The following THSD4 variants were observed in gnomAD, a reference collection of about 807,000 sequenced individuals.
THSD4 encodes thrombospondin type 1 domain containing 4.
THSD4 carries 69 observed loss-of-function variants against 119.0 expected under a neutral mutation model. The ratio of observed to expected loss-of-function variants is 0.58; its 90% CI spans 0.48 to 0.71. THSD4 has a LOEUF of 0.71. Ranked by LOEUF, THSD4 falls within the 30% of genes least tolerant of loss-of-function variation. The pLI is 0.00. For synonymous variants in THSD4, 524 were observed against 540.4 expected, an observed-to-expected ratio of 0.97 and a Z score of 0.42; for missense variants, 1,393 against 1,391.1, an observed-to-expected ratio of 1.00 and a Z score of -0.02.
chr15:71,217,533 G>A (rs1176652569), intron 4 of THSD4, among the ~76,000 whole-genome samples: 1 of 151,690 alleles, frequency 6.6e-6, no homozygotes, highest in Non-Finnish European at 1.5e-5. Context: ...TGAGGCAGGA[G>A]AATGGCGTGA....
At chr15:71,653,059 G>A (rs962396770) in intron 7 of THSD4, among the ~76,000 whole-genome samples, 2 of 152,136 alleles carry the variant, frequency 1.3e-5, no homozygotes, top group African/African-American at 4.8e-5. Flanking sequence ...CGAAGAGCAG[G>A]TTGGTCCTGT....
chr15:71,553,193 G>A (rs2048959181), intron 7 of THSD4, among the ~76,000 whole-genome samples: 1 of 152,104 alleles, frequency 6.6e-6, no homozygotes, highest in Non-Finnish European at 1.5e-5. Flanking sequence ...GACTTGCAAT[G>A]GCAGAGTTTT....
At chr15:71,589,472 C>G (rs578102229) in intron 7 of THSD4, among the ~76,000 whole-genome samples, 1 of 138,512 alleles carries the variant, frequency 7.2e-6, no homozygotes, top group African/African-American at 2.5e-5. Context: ...CCTCCCACTT[C>G]AGCCTTCCAA....
rs542632100 is a variant in THSD4, at chr15:71,271,744, T to C, written c.1015+15029T>C. Among the ~76,000 whole-genome samples, 62 of 152,348 alleles carry C rather than the reference T, an allele frequency of 4.1e-4. No homozygotes were observed. In the South Asian group the frequency reaches 0.012, roughly 30 times the overall value. On this transcript the variant is annotated intron_variant, in intron 6 of 17. Transcript: ENST00000261862. ...AATTCCTGAAGGAGACTTTTAGAGC[T>C]AGTATTAATGTCACATTGTGAACTA... is the stretch of plus-strand genomic sequence containing the variant.
chr15:71,262,077 C>G (rs914748488), intron 6 of THSD4, among the ~76,000 whole-genome samples: 2 of 152,118 alleles, frequency 1.3e-5, no homozygotes, highest in African/African-American at 4.8e-5. Context: ...GTTTGGATGT[C>G]TACTGCTATT....
chr15:71,192,693 G>A (rs1427048563), intron 3 of THSD4, among the ~76,000 whole-genome samples: 5 of 152,130 alleles, frequency 3.3e-5, no homozygotes, highest in Non-Finnish European at 7.4e-5. Flanking sequence ...ACTTATTTCA[G>A]TGTCCTGCAG....
At chr15:71,310,051 C>T (rs537327514) in intron 6 of THSD4, among the ~76,000 whole-genome samples, 1 of 152,302 alleles carries the variant, frequency 6.6e-6, no homozygotes, top group African/African-American at 2.4e-5. Flanking sequence ...AGCTGACATA[C>T]CATAGAAAGC....
chr15:71,362,910 G>C (rs2045911336), intron 6 of THSD4, among the ~76,000 whole-genome samples: 1 of 151,400 alleles, frequency 6.6e-6, no homozygotes, highest in African/African-American at 2.4e-5. Flanking sequence ...GCTTCCCTGG[G>C]CCACATTGGA....
intron 1 of THSD4, among the ~76,000 whole-genome samples, chr15:71,133,020 G>A (rs541506144): frequency 6.6e-6 from 1 of 152,346 alleles, no homozygotes; most frequent in South Asian, 2.1e-4. Flanking sequence ...TCGGAGAAAG[G>A]GCAGCACATC....
At chr15:71,483,812 T>C (rs962957343) in intron 7 of THSD4, among the ~76,000 whole-genome samples, 1 of 150,838 alleles carries the variant, frequency 6.6e-6, no homozygotes, top group African/African-American at 2.4e-5. Context: ...GTGTTCTCAT[T>C]GTTCAGCTCC....
chr15:71,570,162 A>C (rs2049321370), intron 7 of THSD4, among the ~76,000 whole-genome samples: 1 of 152,212 alleles, frequency 6.6e-6, no homozygotes, highest in African/African-American at 2.4e-5. Flanking sequence ...CTTATATGCC[A>C]AGCACTAACC....
chr15:71,459,069 G>T (rs1005811151), intron 7 of THSD4, among the ~76,000 whole-genome samples: 2 of 151,730 alleles, frequency 1.3e-5, no homozygotes, highest in Non-Finnish European at 2.9e-5. Context: ...GGACCTGAAA[G>T]GTATACTTTA....
intron 15 of THSD4, among the ~76,000 whole-genome samples, chr15:71,762,648 TG>T (rs1236985620): frequency 3.3e-5 from 5 of 152,228 alleles, no homozygotes; most frequent in African/African-American, 1.2e-4. Context: ...CTGCAGCTTG[TG>T]GCTCTTCTCC....
intron 7 of THSD4, among the ~76,000 whole-genome samples, chr15:71,433,636 G>T (rs1304914436): frequency 6.6e-6 from 1 of 152,048 alleles, no homozygotes; most frequent in Non-Finnish European, 1.5e-5. Context: ...GCTATGAAGG[G>T]CAGGGCCTGT....
chr15:71,724,210 A>T (rs1474065102), intron 8 of THSD4, among the ~76,000 whole-genome samples: 2 of 146,014 alleles, frequency 1.4e-5, no homozygotes, highest in Non-Finnish European at 3.0e-5. Context: ...AGAGAAGAAC[A>T]GTGATGCAAG....
At chr15:71,313,490 G>A (rs572343336) in intron 6 of THSD4, among the ~76,000 whole-genome samples, 4 of 152,278 alleles carry the variant, frequency 2.6e-5, no homozygotes, top group African/African-American at 7.2e-5. Flanking sequence ...AGCTTGCTGA[G>A]GGAGGGTCGG....
chr15:71,498,195 A>G (rs1325036375), intron 7 of THSD4, among the ~76,000 whole-genome samples: 1 of 152,216 alleles, frequency 6.6e-6, no homozygotes, highest in African/African-American at 2.4e-5. Flanking sequence ...TCTAATCAGA[A>G]AGAATCCATG....
At chr15:71,154,453 C>T (rs1408957094) in intron 2 of THSD4, among the ~76,000 whole-genome samples, 1 of 152,184 alleles carries the variant, frequency 6.6e-6, no homozygotes, top group African/African-American at 2.4e-5. Context: ...CTGACCTTAC[C>T]ACCCGTGAAG....
intron 7 of THSD4, among the ~76,000 whole-genome samples, chr15:71,616,923 T>C (rs2050327884): frequency 2.0e-5 from 3 of 152,214 alleles, no homozygotes; most frequent in Admixed American, 6.5e-5. Flanking sequence ...ATTTACACTG[T>C]TTTCTAGATC....
Sources: allele counts gnomAD v4.1 joint callset (sites outside exome capture counted in the v4.1 genomes callset), GRCh38; gene constraint gnomAD v4.1.1; transcripts MANE v1.5; gene names NCBI Gene and HGNC (gene_info 2026-07-23, HGNC 2026-07-21).